The following HNF4G variants were observed in gnomAD, a reference collection of about 807,000 sequenced individuals.
The protein encoded by HNF4G is hepatocyte nuclear factor 4-gamma.
In HNF4G, 21 loss-of-function variants were observed where a neutral mutation model predicts 50.9. That is an observed-to-expected ratio of 0.41 (90% CI 0.29 to 0.59). The LOEUF is 0.59. Among genes scored for constraint, HNF4G ranks in the 20% least tolerant of loss-of-function variants. The pLI, the probability that HNF4G is intolerant of heterozygous loss-of-function variation, is 0.26. For synonymous variants in HNF4G, 198 were observed against 185.6 expected, an observed-to-expected ratio of 1.07 and a Z score of -0.54; for missense variants, 527 against 559.4, an observed-to-expected ratio of 0.94 and a Z score of 0.58.
intron 2 of HNF4G, among the ~76,000 whole-genome samples, chr8:75,514,600 T>C (rs1277324755): frequency 6.6e-6 from 1 of 151,994 alleles, no homozygotes; most frequent in East Asian, 1.9e-4. Flanking sequence ...ATTTGTCTGC[T>C]TTGGCCTCTC....
chr8:75,493,251 G>A (rs1233894784), intron 2 of HNF4G, among the ~76,000 whole-genome samples: 1 of 152,008 alleles, frequency 6.6e-6, no homozygotes, highest in African/African-American at 2.4e-5. Flanking sequence ...GGAGGGAAAG[G>A]AACTATTAGA....
chr8:75,504,278 A>ACCT (rs1813014474), intron 2 of HNF4G, among the ~76,000 whole-genome samples: 1 of 138,114 alleles, frequency 7.2e-6, no homozygotes, highest in Non-Finnish European at 1.6e-5. Context: ...CACACACACC[A>ACCT]AAAACAACAA....
At chr8:75,469,430 T>A (rs922067900) in intron 1 of HNF4G, among the ~76,000 whole-genome samples, 6 of 152,324 alleles carry the variant, frequency 3.9e-5, no homozygotes, top group Non-Finnish European at 7.3e-5. Flanking sequence ...GGATTCTTGG[T>A]ATACATAATT....
chr8:75,435,922 G>C (rs1170416548), intron 1 of HNF4G, among the ~76,000 whole-genome samples: 1 of 152,144 alleles, frequency 6.6e-6, no homozygotes, highest in Non-Finnish European at 1.5e-5. Context: ...TTCTATAGAA[G>C]ATAGGACTTC....
intron 1 of HNF4G, among the ~76,000 whole-genome samples, chr8:75,440,207 T>C (rs1418551620): frequency 6.6e-6 from 1 of 152,210 alleles, no homozygotes; most frequent in East Asian, 1.9e-4. Context: ...ATTAAAATAG[T>C]TGCCAAGTTA....
chr8:75,539,724 C>T, upstream of HNF4G: 1 of 373,934 alleles, frequency 2.7e-6, no homozygotes, highest in Non-Finnish European at 4.8e-6. Flanking sequence ...AAGGCTATTC[C>T]ATGAAGCATT....
rs200492419 is a variant in HNF4G at position 75,413,572 on chromosome 8, TA to T, written c.-144+5419del. Among the ~76,000 whole-genome samples the T allele has an allele frequency of 8.0e-3, 1,219 of 151,570 alleles. 22 individuals are homozygous for T. Among genetic ancestry groups the T allele is most frequent in the African/African-American group, 0.027 (1,123 of 41,368 alleles). On this transcript the variant is annotated intron_variant, in intron 1 of 10. Transcript: ENST00000354370. ...TCTCCTGTCTGGCTGGGGATACCTA[TA>T]AAAAAAAATTATTGGCTGGGTATGG...
At chr8:75,461,243 A>G (rs1407000216) in intron 1 of HNF4G, among the ~76,000 whole-genome samples, 4 of 152,164 alleles carry the variant, frequency 2.6e-5, no homozygotes, top group Non-Finnish European at 4.4e-5. Context: ...ACAGGGGTGC[A>G]TTCCTCTGAA....
chr8:75,482,323 G>C (rs986171543), intron 1 of HNF4G, among the ~76,000 whole-genome samples: 24 of 152,074 alleles, frequency 1.6e-4, no homozygotes, highest in African/African-American at 5.8e-4. Flanking sequence ...GAAAGATATA[G>C]TTTGTATTAA....
At chr8:75,436,008 T>C (rs1811128399) in intron 1 of HNF4G, among the ~76,000 whole-genome samples, 1 of 152,226 alleles carries the variant, frequency 6.6e-6, no homozygotes, top group Admixed American at 6.5e-5. Flanking sequence ...CATGTGCATT[T>C]GTATATATCA....
At chr8:75,462,276 T>C (rs1309198017) in intron 1 of HNF4G, among the ~76,000 whole-genome samples, 1 of 152,228 alleles carries the variant, frequency 6.6e-6, no homozygotes, top group Non-Finnish European at 1.5e-5. Flanking sequence ...GTCAGTACTA[T>C]TAACTCTTGC....
chr8:75,515,367 C>T (rs1348947824), intron 2 of HNF4G, among the ~76,000 whole-genome samples: 4 of 152,058 alleles, frequency 2.6e-5, no homozygotes, highest in Non-Finnish European at 5.9e-5. Flanking sequence ...GAATTAGGCA[C>T]GATTCTCCAG....
At chr8:75,429,364 C>T (rs1810956485) in intron 1 of HNF4G, among the ~76,000 whole-genome samples, 1 of 152,024 alleles carries the variant, frequency 6.6e-6, no homozygotes, top group African/African-American at 2.4e-5. Context: ...CTCTCTCTTT[C>T]TCTCTTTTTT....
At chr8:75,455,804 G>T (rs1811705833) in intron 1 of HNF4G, among the ~76,000 whole-genome samples, 1 of 151,934 alleles carries the variant, frequency 6.6e-6, no homozygotes, top group Admixed American at 6.6e-5. Flanking sequence ...TCTTCTACAA[G>T]TTACTTTTGC....
chr8:75,541,604 A>G (rs947257716), intron 1 of HNF4G, among the ~76,000 whole-genome samples: 1 of 152,136 alleles, frequency 6.6e-6, no homozygotes. Flanking sequence ...ACAAAATATA[A>G]TCAGGACATG....
rs558637406 is a variant in HNF4G, at chr8:75,433,427, A to G, written c.-144+25265A>G. On this transcript the variant is annotated intron_variant, in intron 1 of 10. Transcript: ENST00000354370. ...TGTCTCAGAACAAAAAAAAAAAAAAAAAAGAAAGAAACTTTAAGATCAATT... is the reference window on the plus strand; with the variant it reads ...TGTCTCAGAACAAAAAAAAAAAAAAGAAAGAAAGAAACTTTAAGATCAATT... 4.8e-3 allele frequency among the ~76,000 whole-genome samples: 733 copies of G among 151,798 alleles called. 14 individuals carry two copies. The highest frequency in any genetic ancestry group is 0.035 in the South Asian group (170 of 4,804).
intron 1 of HNF4G, among the ~76,000 whole-genome samples, chr8:75,489,098 A>G (rs970745419): frequency 2.0e-5 from 3 of 152,282 alleles, no homozygotes; most frequent in African/African-American, 7.2e-5. Flanking sequence ...AAGCCACAAT[A>G]GCATCTCATA....
intron 1 of HNF4G, among the ~76,000 whole-genome samples, chr8:75,489,244 A>G (rs1812565421): frequency 6.6e-6 from 1 of 152,216 alleles, no homozygotes; most frequent in Admixed American, 6.5e-5. Context: ...CTTATTTTTA[A>G]ATGTATTAGC....
At chr8:75,551,843 TG>T (rs934052945) in intron 4 of HNF4G, among the ~76,000 whole-genome samples, 4 of 152,210 alleles carry the variant, frequency 2.6e-5, no homozygotes, top group Non-Finnish European at 4.4e-5. Context: ...CCACAACTTT[TG>T]GGGAGTTTGG....
Sources: gnomAD v4.1 joint callset for allele counts (sites outside exome capture counted in the v4.1 genomes callset) on GRCh38, gnomAD v4.1.1 for gene constraint, MANE v1.5 for transcripts, NCBI Gene and HGNC (gene_info 2026-07-23, HGNC 2026-07-21) for gene names.